Variants in LIN52 observed in about 807,000 individuals in gnomAD.
LIN52 encodes protein lin-52 homolog.
In LIN52, 4 loss-of-function variants were observed where a neutral mutation model predicts 18.5. That is an observed-to-expected ratio of 0.22 (90% CI 0.11 to 0.49). The LOEUF is 0.49. Ranked by LOEUF, LIN52 falls within the 20% of genes least tolerant of loss-of-function variation. The pLI, the probability that LIN52 is intolerant of heterozygous loss-of-function variation, is 0.97. For missense variants in LIN52, 102 were observed against 139.5 expected (o/e 0.73, Z 1.35); for synonymous variants, 34 against 45.5 (o/e 0.75, Z 1.02).
chr14:74,114,807 T>C (rs781710362), intron 5 of LIN52, among the ~76,000 whole-genome samples: 5 of 152,226 alleles, frequency 3.3e-5, no homozygotes, highest in Non-Finnish European at 7.3e-5. Context: ...AATCAATATG[T>C]GAAATAGGAT....
intron 5 of LIN52, among the ~76,000 whole-genome samples, chr14:74,183,653 G>A (rs1203254005): frequency 6.6e-6 from 1 of 152,104 alleles, no homozygotes; most frequent in East Asian, 1.9e-4. Flanking sequence ...TGAACCCTGT[G>A]TACCCATCCC....
intron 4 of LIN52, among the ~76,000 whole-genome samples, chr14:74,099,640 A>T (rs906347326): frequency 6.6e-6 from 1 of 151,174 alleles, no homozygotes; most frequent in African/African-American, 2.4e-5. Context: ...AGTTTTTTTT[A>T]TTACTCAGTC....
chr14:74,153,767 C>T (rs2061186896), intron 5 of LIN52, among the ~76,000 whole-genome samples: 1 of 152,132 alleles, frequency 6.6e-6, no homozygotes, highest in South Asian at 2.1e-4. Flanking sequence ...TGGTTTCGAA[C>T]TGCTGACTTC....
In LIN52 at chr14:74,168,992, T is replaced by G. The variant is rs900084358; in HGVS notation, c.284-29930T>G. On this transcript the variant is annotated intron_variant, in intron 5 of 5. Coordinates refer to ENST00000555028, the MANE Select transcript of LIN52 (RefSeq NM_001024674.3). ...TCGCCTGAACCTGGGAGGTGGAGTT[T>G]CCAGTGTGCCGAGATCACGCCAGTG... is the stretch of plus-strand genomic sequence containing the variant. Among the ~76,000 whole-genome samples, 3 of 152,110 alleles carry G rather than the reference T, an allele frequency of 2.0e-5. No individual in the cohort carries two copies. In the East Asian group the frequency reaches 5.8e-4, roughly 29 times the overall value.
chr14:74,106,614 A>C (rs532466938), intron 5 of LIN52, among the ~76,000 whole-genome samples: 27 of 151,702 alleles, frequency 1.8e-4, no homozygotes, highest in Non-Finnish European at 3.5e-4. Context: ...TTTTTGAGGC[A>C]GTGCCTTGCT....
At chr14:74,111,700 A>G (rs1318662194) in intron 5 of LIN52, among the ~76,000 whole-genome samples, 1 of 151,488 alleles carries the variant, frequency 6.6e-6, no homozygotes, top group Non-Finnish European at 1.5e-5. Flanking sequence ...TATTAGGCCA[A>G]TTAAGTCCTA....
chr14:74,159,014 G>T (rs2061212899), intron 5 of LIN52, among the ~76,000 whole-genome samples: 1 of 152,134 alleles, frequency 6.6e-6, no homozygotes, highest in Admixed American at 6.6e-5. Context: ...GGGCCTCAGA[G>T]CTCTTTCCAA....
intron 5 of LIN52, among the ~76,000 whole-genome samples, chr14:74,168,179 G>C (rs1367817524): frequency 6.6e-6 from 1 of 152,116 alleles, no homozygotes; most frequent in Non-Finnish European, 1.5e-5. Flanking sequence ...CATGAATTAA[G>C]GATTCTATTA....
intron 5 of LIN52, among the ~76,000 whole-genome samples, chr14:74,126,141 C>T (rs953554101): frequency 6.6e-5 from 10 of 151,864 alleles, no homozygotes; most frequent in South Asian, 4.2e-4. Flanking sequence ...CATCATTAGT[C>T]GTTAGGGAAA....
intron 5 of LIN52, among the ~76,000 whole-genome samples, chr14:74,122,008 A>AT (rs1412030689): frequency 8.0e-6 from 1 of 124,488 alleles, no homozygotes; most frequent in East Asian, 4.5e-4. Context: ...ATATTCTCAT[A>AT]TTCCCATGAG....
At chr14:74,176,929 A>C (rs1595187180) in intron 5 of LIN52, among the ~76,000 whole-genome samples, 1 of 152,270 alleles carries the variant, frequency 6.6e-6, no homozygotes, top group Middle Eastern at 3.4e-3. Flanking sequence ...TTTATTGCCA[A>C]ATAATATTCC....
chr14:74,161,477 G>A (rs916919852), intron 5 of LIN52, among the ~76,000 whole-genome samples: 65 of 152,236 alleles, frequency 4.3e-4, no homozygotes, highest in African/African-American at 1.2e-3. Flanking sequence ...GTCAGCCACC[G>A]TGCCCGGTCT....
At chr14:74,148,676 T>A (rs1364456390) in intron 5 of LIN52, among the ~76,000 whole-genome samples, 1 of 152,240 alleles carries the variant, frequency 6.6e-6, no homozygotes, top group East Asian at 1.9e-4. Flanking sequence ...TTGATTAACC[T>A]GCAAAAATTA....
chr14:74,182,716 A>G (rs1263737349), intron 5 of LIN52, among the ~76,000 whole-genome samples: 1 of 152,184 alleles, frequency 6.6e-6, no homozygotes, highest in Non-Finnish European at 1.5e-5. Context: ...CCTGGACCTG[A>G]AAGTTAGTCT....
intron 5 of LIN52, chr14:74,114,138 G>T (rs1167286510): frequency 1.0e-6 from 1 of 984,164 alleles, no homozygotes; most frequent in African/African-American, 1.8e-5. Flanking sequence ...GAGCCACAGC[G>T]CCCGGCCAGA....
chr14:74,170,513 A>G (rs1346009232), intron 5 of LIN52, among the ~76,000 whole-genome samples: 1 of 152,210 alleles, frequency 6.6e-6, no homozygotes, highest in East Asian at 1.9e-4. Context: ...CCTCAAAAAA[A>G]AAAATGGAAA....
chr14:74,180,014 T>C (rs2061311377), intron 5 of LIN52, among the ~76,000 whole-genome samples: 1 of 152,184 alleles, frequency 6.6e-6, no homozygotes, highest in South Asian at 2.1e-4. Context: ...AGTTCTGAAG[T>C]GATGCTTATG....
chr14:74,143,471 T>C (rs2061140821), intron 5 of LIN52, among the ~76,000 whole-genome samples: 2 of 152,132 alleles, frequency 1.3e-5, no homozygotes, highest in African/African-American at 2.4e-5. Flanking sequence ...GAGGATGCAT[T>C]TGAGCCCAAG....
At chr14:74,159,283 G>A (rs1279794405) in intron 5 of LIN52, among the ~76,000 whole-genome samples, 1 of 151,874 alleles carries the variant, frequency 6.6e-6, no homozygotes, top group African/African-American at 2.4e-5. Context: ...AAATAAAATA[G>A]TGTCATTGGC....
Sources: allele counts gnomAD v4.1 joint callset (sites outside exome capture counted in the v4.1 genomes callset), GRCh38; gene constraint gnomAD v4.1.1; transcripts MANE v1.5; gene names NCBI Gene and HGNC (gene_info 2026-07-23, HGNC 2026-07-21).